SLC25A36: variants seen among roughly 807,000 people sequenced by gnomAD.
SLC25A36 encodes epididymis secretory sperm binding protein.
A neutral mutation model predicts 35.3 loss-of-function variants in SLC25A36; 24 were observed. That is an observed-to-expected ratio of 0.68 (90% confidence interval 0.49 to 0.96). The LOEUF is 0.96. Among genes scored for constraint, SLC25A36 ranks in the 40% least tolerant of loss-of-function variants. The pLI is 0.00. For missense variants in SLC25A36, 294 were observed against 381.1 expected (o/e 0.77, Z 1.90); for synonymous variants, 141 against 132.2 (o/e 1.07, Z -0.46).
At chr3:140,962,150 C>T (rs934330527) in intron 3 of SLC25A36, among the ~76,000 whole-genome samples, 1 of 151,926 alleles carries the variant, frequency 6.6e-6, no homozygotes, top group Admixed American at 6.6e-5. Context: ...TATTCCTCTT[C>T]CCAACTTGGC....
intron 1 of SLC25A36, among the ~76,000 whole-genome samples, chr3:140,955,354 A>G (rs1559812064): frequency 6.6e-6 from 1 of 151,956 alleles, no homozygotes; most frequent in East Asian, 1.9e-4. Flanking sequence ...GGTCCACGTT[A>G]ACCTGACTCA....
rs1935108039 is a variant in SLC25A36 at position 140,978,475 on chromosome 3, T to C, written c.*2022T>C. On this transcript the variant is annotated 3_prime_UTR_variant, in exon 7 of 7. Transcript: ENST00000324194. ...AATGTAAGATAGAGACTCTCCCTAGTCTTACTGATCTCAGTACCCCACAAA... is the reference window on the plus strand; with the variant it reads ...AATGTAAGATAGAGACTCTCCCTAGCCTTACTGATCTCAGTACCCCACAAA... 1 of 152,156 alleles carries C rather than the reference T, an allele frequency of 6.6e-6. No individual in the cohort carries two copies. Among genetic ancestry groups the C allele is most frequent in the Admixed American group, 6.6e-5 (1 of 15,264 alleles). 9.4% of individuals were successfully genotyped at this position (152,156 alleles called of 1,614,324 possible).
At chr3:140,970,830 A>G in intron 4 of SLC25A36, 97 bp from the exon 5 acceptor site, 1 of 626,256 alleles carries the variant, frequency 1.6e-6, no homozygotes, top group South Asian at 2.0e-5. Context: ...ATTTATATAC[A>G]TTTTCTTGAA....
chr3:140,958,531 A>G (rs1261487545), intron 2 of SLC25A36, among the ~76,000 whole-genome samples: 3 of 152,166 alleles, frequency 2.0e-5, no homozygotes, highest in Admixed American at 6.5e-5. Context: ...ATAAACAGCT[A>G]ATTATACAGT....
intron 1 of SLC25A36, among the ~76,000 whole-genome samples, chr3:140,953,057 T>C (rs988822055): frequency 1.3e-5 from 2 of 152,210 alleles, no homozygotes; most frequent in African/African-American, 2.4e-5. Flanking sequence ...ATCACTGTTA[T>C]AGTGTGAATA....
rs183031386 is a variant in SLC25A36 at position 140,971,587 on chromosome 3, T to G, written c.452+594T>G. On this transcript the variant is annotated intron_variant, in intron 5 of 6. Coordinates refer to ENST00000324194, the MANE Select transcript of SLC25A36 (RefSeq NM_001104647.3). ...ATGGAATAATCAAGGAAAGGTTTTT[T>G]GAACCCATTTTAAGCTGAGGAACCA... Among the ~76,000 whole-genome samples, 4 of 152,320 alleles carry G rather than the reference T, an allele frequency of 2.6e-5. No individual in the cohort carries two copies. The East Asian group carries it at 7.7e-4, about 29-fold the overall frequency.
intron 6 of SLC25A36, 47 bp from the exon 7 acceptor site, chr3:140,976,213 A>T: frequency 1.6e-6 from 2 of 1,223,302 alleles, no homozygotes; most frequent in Non-Finnish European, 2.3e-6. Context: ...TAATTAGAAG[A>T]GTGTAAAGAT....
Position 140,959,522 on chromosome 3 carries a change from TG to T in SLC25A36, c.271del (p.Val91Ter). 6.7e-7 allele frequency: 1 copy of T among 1,484,602 alleles called. No homozygotes were observed. The highest frequency in any genetic ancestry group is 8.9e-7 in the Non-Finnish European group (1 of 1,126,254). The allele number at this position is 1,484,602 out of a possible 1,614,324, so 92.0% of individuals were successfully genotyped here. A position where few individuals can be genotyped will look rare whatever the true frequency, so the allele number is the denominator to read the frequency against. On this transcript the variant is annotated frameshift_variant, in exon 3 of 7. Transcript: ENST00000324194. LOFTEE classifies it high-confidence loss of function. ...SLFRGLGPNL[V>X]GVAPSRAIYF... ...TTTAGAGGACTAGGCCCCAATTTAG[TG>T]GGGGTAGCCCCTTCCAGGTAAAAAA...
At chr3:140,954,654 T>C (rs978940731) in intron 1 of SLC25A36, among the ~76,000 whole-genome samples, 1 of 152,238 alleles carries the variant, frequency 6.6e-6, no homozygotes, top group Non-Finnish European at 1.5e-5. Context: ...TCTGTGTGTT[T>C]ATTTGCGTCT....
intron 1 of SLC25A36, among the ~76,000 whole-genome samples, chr3:140,952,068 G>C (rs536097225): frequency 6.7e-6 from 1 of 150,200 alleles, no homozygotes; most frequent in South Asian, 2.1e-4. Flanking sequence ...CCAGGCTGGA[G>C]TGCAGTGGCA....
chr3:140,968,748 T>C (rs1934827468), intron 4 of SLC25A36: 4 of 971,972 alleles, frequency 4.1e-6, no homozygotes, highest in Non-Finnish European at 4.9e-6. Flanking sequence ...TTAAAATTTA[T>C]GTTTTTAGAA....
chr3:140,971,231 G>A (rs200425764), intron 5 of SLC25A36, among the ~76,000 whole-genome samples: 1 of 152,028 alleles, frequency 6.6e-6, no homozygotes, highest in South Asian at 2.1e-4. Flanking sequence ...AGAGTGGCTA[G>A]AAAGATACCA....
At position 140,973,984 on chromosome 3, in the gene SLC25A36, A is replaced by G; in HGVS notation, c.721A>G (p.Thr241Ala). The change falls in exon 6 of 7, where the codon ACA becomes GCA. Residue 241 changes from threonine (T) to alanine (A), a missense_variant. Physicochemically the swap from Thr to Ala is moderately conservative, Grantham distance 58. This residue lies in a region of SLC25A36 where 109 missense variants were observed against 179.7 expected (regional missense o/e 0.61). Transcript: ENST00000324194. ...TGCTGCCACCTCAAAAACTTGTGCC[A>G]CAACTATAGCATATCCACATGGTAA... Reference protein sequence around the residue: ...LAAATSKTCATTIAYPHEVVR... With the variant: ...LAAATSKTCAATIAYPHEVVR... 1 of 1,580,374 alleles carries G rather than the reference A, an allele frequency of 6.3e-7. No individual in the cohort carries two copies. The highest frequency in any genetic ancestry group is 1.7e-4 in the Middle Eastern group (1 of 5,896).
rs1045319153 is a variant in SLC25A36 at position 140,951,609 on chromosome 3, G to A, written c.42-4918G>A. ...AACAGTCCTCCCACCTCAGACTCCC[G>A]AGTAGCTAAGATTACAGGCGTGCAC... On this transcript the variant is annotated intron_variant, in intron 1 of 6. Coordinates refer to ENST00000324194, the MANE Select transcript of SLC25A36 (RefSeq NM_001104647.3). 8.6e-5 allele frequency among the ~76,000 whole-genome samples: 13 copies of A among 152,022 alleles called. 1 individual carries two copies. Among genetic ancestry groups the A allele is most frequent in the South Asian group, 2.1e-4 (1 of 4,804 alleles).
intron 3 of SLC25A36, among the ~76,000 whole-genome samples, chr3:140,960,335 C>A (rs1036521308): frequency 6.6e-6 from 1 of 152,164 alleles, no homozygotes; most frequent in Non-Finnish European, 1.5e-5. Context: ...GGTAAGCATT[C>A]TTTTAAACAA....
In SLC25A36 at chr3:140,979,647, A is replaced by G. The variant is rs1291409164; in HGVS notation, c.*3194A>G. 6.6e-6 allele frequency: 1 copy of G among 152,160 alleles called. No individual in the cohort carries two copies. The highest frequency in any genetic ancestry group is 1.5e-5 in the Non-Finnish European group (1 of 68,018). 9.4% of individuals were successfully genotyped at this position (152,160 alleles called of 1,614,324 possible). ...TGTACTTAGTATTTCCCATTAACCT[A>G]CACACTGATTTTTATGCTACTCCTT... is the stretch of plus-strand genomic sequence containing the variant. On this transcript the variant is annotated 3_prime_UTR_variant, in exon 7 of 7. Transcript: ENST00000324194.
At position 140,973,927 on chromosome 3, in the gene SLC25A36, G is replaced by C. The variant is rs779684916; in HGVS notation, c.664G>C (p.Glu222Gln). 2 of 1,610,382 alleles carry C rather than the reference G, an allele frequency of 1.2e-6. No individual in the cohort carries two copies. Among genetic ancestry groups the C allele is most frequent in the Non-Finnish European group, 1.7e-6 (2 of 1,177,726 alleles). ...GGAAAATGATGAAGAGTCTGTGAAAGAAGCATCAGATTTTGTGGGAATGAT... is the reference window on the plus strand; with the variant it reads ...GGAAAATGATGAAGAGTCTGTGAAACAAGCATCAGATTTTGTGGGAATGAT... ...TMENDEESVK[E>Q]ASDFVGMMLA... Residue 222 changes from glutamate (E) to glutamine (Q), a missense_variant, in exon 6 of 7, where the codon GAA becomes CAA. Around this residue, in one of 2 missense-constraint regions of SLC25A36, gnomAD observed 109 missense variants for 179.7 expected, o/e 0.61. Transcript: ENST00000324194.
intron 4 of SLC25A36, among the ~76,000 whole-genome samples, chr3:140,967,805 A>G (rs1934800585): frequency 6.6e-6 from 1 of 151,946 alleles, no homozygotes. Context: ...GAGTATGGCC[A>G]ATATATTGGC....
At position 140,953,261 on chromosome 3, in the gene SLC25A36, A is replaced by G. The variant is rs576177489; in HGVS notation, c.42-3266A>G. On this transcript the variant is annotated intron_variant, in intron 1 of 6. Transcript: ENST00000324194. Reference sequence around the variant, plus strand: ...TAAGACTATTTCATGGCTGTTTGAAAATATCTTTTCCTTGTTTATTGAGTA... The same window carrying G: ...TAAGACTATTTCATGGCTGTTTGAAGATATCTTTTCCTTGTTTATTGAGTA... Among the ~76,000 whole-genome samples the G allele has an allele frequency of 2.6e-5, 4 of 152,222 alleles. No individual in the cohort carries two copies. The South Asian group carries it at 8.3e-4, about 32-fold the overall frequency.
Sources: allele counts gnomAD v4.1 joint callset (sites outside exome capture counted in the v4.1 genomes callset), GRCh38; gene constraint gnomAD v4.1.1; regional missense constraint gnomAD v4.1.1; transcripts MANE v1.5; gene names NCBI Gene and HGNC (gene_info 2026-07-23, HGNC 2026-07-21).